Variants in CSMD1 observed in about 807,000 individuals in gnomAD.
CSMD1 encodes CUB and sushi domain-containing protein 1.
CSMD1 carries 213 observed loss-of-function variants against 417.5 expected under a neutral mutation model. The ratio of observed to expected loss-of-function variants is 0.51; its 90% confidence interval spans 0.46 to 0.57. The LOEUF is 0.57. CSMD1 is among the 20% of genes least tolerant of loss of function. The pLI is 0.00. For missense variants in CSMD1, 6,923 were observed against 4,529.7 expected (o/e 1.53, Z -15.17); for synonymous variants, 2,862 against 1,736.8 (o/e 1.65, Z -16.11).
intron 2 of CSMD1, among the ~76,000 whole-genome samples, chr8:4,425,420 G>C (rs1330258279): frequency 6.6e-6 from 1 of 151,706 alleles, no homozygotes; most frequent in Non-Finnish European, 1.5e-5. Flanking sequence ...TTAGTTGACA[G>C]GGATGCGGAA....
chr8:3,211,265 G>A (rs1471056666), intron 30 of CSMD1, among the ~76,000 whole-genome samples: 1 of 152,108 alleles, frequency 6.6e-6, no homozygotes, highest in Non-Finnish European at 1.5e-5. Flanking sequence ...GACTAGTCTT[G>A]AATTCTGGTC....
chr8:4,532,803 C>T (rs73661503), intron 2 of CSMD1, among the ~76,000 whole-genome samples: 20,338 of 144,628 alleles, frequency 0.14, 4,545 homozygotes, highest in African/African-American at 0.48. Context: ...TCAGTCACTC[C>T]GGAAGAGAAA....
intron 5 of CSMD1, among the ~76,000 whole-genome samples, chr8:3,922,527 AT>A (rs542892225): frequency 2.4e-4 from 37 of 151,896 alleles, no homozygotes; most frequent in African/African-American, 8.7e-4. Context: ...TTTTCTATTT[AT>A]TTTTTGTATA....
chr8:4,182,553 C>T (rs1039711708), intron 3 of CSMD1, among the ~76,000 whole-genome samples: 1 of 152,204 alleles, frequency 6.6e-6, no homozygotes, highest in African/African-American at 2.4e-5. Flanking sequence ...TCCTTTCAAA[C>T]ATAATGATGT....
intron 12 of CSMD1, 122 bp downstream of exon 12, chr8:3,468,590 G>A (rs571251715): frequency 1.2e-5 from 7 of 603,064 alleles, no homozygotes; most frequent in African/African-American, 3.7e-5. Flanking sequence ...TTCCCGTCAT[G>A]ATTCCTATTT....
intron 1 of CSMD1, among the ~76,000 whole-genome samples, chr8:4,761,058 T>A (rs1164073104): frequency 6.6e-6 from 1 of 151,950 alleles, no homozygotes; most frequent in Admixed American, 6.6e-5. Flanking sequence ...GAGCCCAGAG[T>A]GATTATTAGC....
intron 2 of CSMD1, among the ~76,000 whole-genome samples, chr8:4,503,988 A>T (rs1004189885): frequency 6.6e-6 from 1 of 152,080 alleles, no homozygotes; most frequent in Non-Finnish European, 1.5e-5. Flanking sequence ...AAAAAAAGAA[A>T]AAAAAAGGAA....
intron 3 of CSMD1, among the ~76,000 whole-genome samples, chr8:4,268,234 G>T (rs1033429536): frequency 1.3e-5 from 2 of 152,100 alleles, no homozygotes; most frequent in Non-Finnish European, 2.9e-5. Context: ...TAATTGTAAG[G>T]TGAGCAAAAG....
intron 3 of CSMD1, among the ~76,000 whole-genome samples, chr8:4,370,878 G>C (rs1294029020): frequency 6.6e-6 from 1 of 152,124 alleles, no homozygotes; most frequent in Non-Finnish European, 1.5e-5. Context: ...CTTGTATCTT[G>C]ATGAGCTCCA....
intron 3 of CSMD1, among the ~76,000 whole-genome samples, chr8:4,271,533 A>C (rs887148379): frequency 6.6e-6 from 1 of 152,060 alleles, no homozygotes; most frequent in African/African-American, 2.4e-5. Context: ...AACACCACCA[A>C]CAAAATACCA....
intron 47 of CSMD1, among the ~76,000 whole-genome samples, chr8:3,092,080 G>T (rs1814985168): frequency 1.3e-5 from 2 of 152,022 alleles, no homozygotes; most frequent in Admixed American, 1.3e-4. Context: ...AAAATTGAAG[G>T]TTTAATTATA....
chr8:3,709,850 C>CGTGTGT (rs141111663), intron 6 of CSMD1, among the ~76,000 whole-genome samples: 157 of 147,350 alleles, frequency 1.1e-3, no homozygotes, highest in African/African-American at 3.7e-3. Context: ...TGTGTGTGTA[C>CGTGTGT]GTGTGTGTGT....
chr8:4,731,290 A>G (rs921299580), intron 1 of CSMD1, among the ~76,000 whole-genome samples: 1 of 152,120 alleles, frequency 6.6e-6, no homozygotes, highest in Non-Finnish European at 1.5e-5. Flanking sequence ...CACCTTCCTC[A>G]TGGGATCCGT....
chr8:4,452,880 A>C lies in CSMD1; in HGVS notation c.303-32815T>G, dbSNP rs553144749. Among the ~76,000 whole-genome samples the C allele has an allele frequency of 1.4e-4, 21 of 152,314 alleles. No homozygotes were observed. The South Asian group carries it at 3.9e-3, about 29-fold the overall frequency. On this transcript the variant is annotated intron_variant, in intron 2 of 69. Coordinates refer to ENST00000635120, the MANE Select transcript of CSMD1 (RefSeq NM_033225.6). ...GGTGATATAGGAAGGCCGACTGTGAAACAAATTCAGTAGAGAAGCAACGAT... is the reference window on the plus strand; with the variant it reads ...GGTGATATAGGAAGGCCGACTGTGACACAAATTCAGTAGAGAAGCAACGAT...
At chr8:3,923,163 T>C (rs980734392) in intron 5 of CSMD1, among the ~76,000 whole-genome samples, 1 of 152,148 alleles carries the variant, frequency 6.6e-6, no homozygotes, top group African/African-American at 2.4e-5. Context: ...CGAAGCTTCA[T>C]GAGACCTCTC....
intron 4 of CSMD1, 31 bp downstream of exon 4, chr8:4,031,874 T>G: frequency 6.4e-7 from 1 of 1,556,024 alleles, no homozygotes; most frequent in Non-Finnish European, 8.7e-7. Flanking sequence ...TGCCCTGGAG[T>G]CTGCTCACCA....
At chr8:4,898,031 C>A (rs1207744003) in intron 1 of CSMD1, among the ~76,000 whole-genome samples, 5 of 151,922 alleles carry the variant, frequency 3.3e-5, no homozygotes, top group Non-Finnish European at 7.4e-5. Context: ...GTTTATAAAA[C>A]AAGAAAATTA....
rs1050014555 is a variant in CSMD1 at position 3,571,716 on chromosome 8, C to T, written c.1344+3229G>A. Among the ~76,000 whole-genome samples the T allele has an allele frequency of 4.6e-5, 7 of 151,898 alleles. No homozygotes were observed. The East Asian group carries it at 1.4e-3, about 29-fold the overall frequency. ...CATGCTTGAGGGTCTTGTGTTCCTC[C>T]GTCCCTGTGCTGGAAGGTCTCCAGT... is the stretch of plus-strand genomic sequence containing the variant. On this transcript the variant is annotated intron_variant, in intron 10 of 69. Transcript: ENST00000635120.
chr8:4,501,727 A>G (rs1427622475), intron 2 of CSMD1, among the ~76,000 whole-genome samples: 2 of 152,168 alleles, frequency 1.3e-5, no homozygotes, highest in African/African-American at 2.4e-5. Flanking sequence ...TAGTAGCCAT[A>G]TGGCTTTTCA....
Sources: allele counts gnomAD v4.1 joint callset (sites outside exome capture counted in the v4.1 genomes callset), GRCh38; gene constraint gnomAD v4.1.1; transcripts MANE v1.5; gene names NCBI Gene and HGNC (gene_info 2026-07-23, HGNC 2026-07-21).